Variants in CNTN5 observed in about 807,000 individuals in gnomAD.
CNTN5 encodes contactin 5.
Under a neutral mutation model 129.1 loss-of-function variants are expected in CNTN5, and 77 were observed. The ratio of observed to expected loss-of-function variants is 0.60; its 90% CI spans 0.50 to 0.72. CNTN5 has a LOEUF of 0.72. CNTN5 is among the 30% of genes least tolerant of loss of function. CNTN5 has a pLI of 0.00. For synonymous variants in CNTN5, 509 were observed against 465.6 expected, an observed-to-expected ratio of 1.09 and a Z score of -1.20; for missense variants, 1,478 against 1,328.8, an observed-to-expected ratio of 1.11 and a Z score of -1.75.
At chr11:99,969,509 A>G (rs7951846) in intron 8 of CNTN5, among the ~76,000 whole-genome samples, 23,290 of 151,966 alleles carry the variant, frequency 0.15, 2,282 homozygotes, top group African/African-American at 0.28. Context: ...TGCTGCTGCT[A>G]TGCCTCTTCT....
At chr11:100,235,385 G>A (rs1949588599) in intron 16 of CNTN5, among the ~76,000 whole-genome samples, 1 of 152,176 alleles carries the variant, frequency 6.6e-6, no homozygotes, top group Admixed American at 6.5e-5. Flanking sequence ...AGGTTGGAAG[G>A]CTCTGCATAG....
At chr11:100,295,243 A>C (rs561402142) in intron 18 of CNTN5, among the ~76,000 whole-genome samples, 1 of 151,740 alleles carries the variant, frequency 6.6e-6, no homozygotes, top group African/African-American at 2.4e-5. Flanking sequence ...AAAATAAATT[A>C]GCAGCAGTAA....
intron 3 of CNTN5, among the ~76,000 whole-genome samples, chr11:99,726,583 AT>A (rs1234932905): frequency 3.3e-5 from 5 of 152,218 alleles, no homozygotes; most frequent in Non-Finnish European, 5.9e-5. Flanking sequence ...TATTCTAAGT[AT>A]TTTTATATAT....
chr11:99,045,656 C>G (rs1471555612), intron 1 of CNTN5, among the ~76,000 whole-genome samples: 1 of 152,114 alleles, frequency 6.6e-6, no homozygotes, highest in Non-Finnish European at 1.5e-5. Flanking sequence ...GGATTATTGC[C>G]AGATAGAAGT....
chr11:99,515,806 T>G (rs1024280044), intron 2 of CNTN5, among the ~76,000 whole-genome samples: 22 of 152,142 alleles, frequency 1.4e-4, no homozygotes, highest in Non-Finnish European at 2.9e-4. Flanking sequence ...ATCTTTAAGT[T>G]AGCTGATATA....
At chr11:99,609,352 T>C (rs1327635798) in intron 3 of CNTN5, among the ~76,000 whole-genome samples, 1 of 152,168 alleles carries the variant, frequency 6.6e-6, no homozygotes, top group Non-Finnish European at 1.5e-5. Flanking sequence ...TAAGCAATTA[T>C]TCTGAGCATC....
intron 1 of CNTN5, among the ~76,000 whole-genome samples, chr11:99,319,851 C>A (rs1212107753): frequency 6.6e-6 from 1 of 152,070 alleles, no homozygotes; most frequent in African/African-American, 2.4e-5. Flanking sequence ...GATGCTCATT[C>A]AAACAAGAGT....
chr11:100,145,462 A>T (rs538787647), intron 13 of CNTN5, among the ~76,000 whole-genome samples: 2 of 152,290 alleles, frequency 1.3e-5, no homozygotes, highest in Admixed American at 1.3e-4. Context: ...TTACGTAGGT[A>T]GGTGTTACAC....
chr11:99,736,032 CTTTT>C (rs1183989962), intron 3 of CNTN5, among the ~76,000 whole-genome samples: 1 of 151,726 alleles, frequency 6.6e-6, no homozygotes, highest in East Asian at 1.9e-4. Context: ...TTCTCTCTTT[CTTTT>C]TCTTTCTCTT....
intron 1 of CNTN5, among the ~76,000 whole-genome samples, chr11:99,289,100 A>G (rs1864061705): frequency 6.6e-6 from 1 of 151,902 alleles, no homozygotes; most frequent in East Asian, 1.9e-4. Flanking sequence ...TATAGATAAT[A>G]AACACTTAGA....
intron 3 of CNTN5, among the ~76,000 whole-genome samples, chr11:99,800,356 T>G (rs1221302707): frequency 3.9e-5 from 6 of 152,172 alleles, no homozygotes; most frequent in Admixed American, 3.3e-4. Context: ...AGACTTGCAT[T>G]ATGACCCAGC....
At chr11:99,432,571 G>A (rs909169224) in intron 2 of CNTN5, among the ~76,000 whole-genome samples, 3 of 150,874 alleles carry the variant, frequency 2.0e-5, no homozygotes, top group Non-Finnish European at 4.4e-5. Context: ...AACATGTCAG[G>A]AAGTGTTTAT....
At chr11:99,759,550 C>T (rs1444738091) in intron 3 of CNTN5, among the ~76,000 whole-genome samples, 4 of 151,880 alleles carry the variant, frequency 2.6e-5, no homozygotes, top group Non-Finnish European at 4.4e-5. Flanking sequence ...GTTTCAGCTA[C>T]TTGAGATATG....
chr11:99,906,606 C>A (rs1949513370), intron 6 of CNTN5, among the ~76,000 whole-genome samples: 1 of 151,976 alleles, frequency 6.6e-6, no homozygotes, highest in Non-Finnish European at 1.5e-5. Context: ...GCTGAAATTT[C>A]TTTTTTTGTT....
chr11:99,761,356 G>C (rs1822166), intron 3 of CNTN5, among the ~76,000 whole-genome samples: 71,798 of 151,722 alleles, frequency 0.47, 17,458 homozygotes, highest in Non-Finnish European at 0.54. Flanking sequence ...ATGCTGGTGC[G>C]CTGCACCCAC....
rs960717639 is a variant in CNTN5 at position 99,106,946 on chromosome 11, A to C, written c.-210+85676A>C. Among the ~76,000 whole-genome samples the C allele has an allele frequency of 5.9e-5, 9 of 152,234 alleles. 1 individual carries two copies. In the East Asian group the frequency reaches 1.7e-3, roughly 29 times the overall value. ...TTGTAACATTAACAGTACAAGACTAATCCTACGAGACCAAAAGTCACTGAG... is the reference window on the plus strand; with the variant it reads ...TTGTAACATTAACAGTACAAGACTACTCCTACGAGACCAAAAGTCACTGAG... On this transcript the variant is annotated intron_variant, in intron 1 of 24. Transcript: ENST00000524871.
intron 1 of CNTN5, among the ~76,000 whole-genome samples, chr11:99,309,285 T>C (rs1865004846): frequency 6.6e-6 from 1 of 151,854 alleles, no homozygotes; most frequent in African/African-American, 2.4e-5. Context: ...AAATTCTGAA[T>C]CATGGATCCT....
intron 2 of CNTN5, among the ~76,000 whole-genome samples, chr11:99,351,204 G>A (rs183681327): frequency 6.6e-6 from 1 of 152,172 alleles, no homozygotes; most frequent in African/African-American, 2.4e-5. Context: ...TGTTATACTA[G>A]TAATTATTGA....
intron 4 of CNTN5, among the ~76,000 whole-genome samples, chr11:99,827,972 T>C (rs1489149868): frequency 1.3e-5 from 2 of 152,110 alleles, no homozygotes; most frequent in Admixed American, 6.6e-5. Flanking sequence ...GTAGGAGATA[T>C]TGGCCATCTA....
Sources: gnomAD v4.1 joint callset for allele counts (sites outside exome capture counted in the v4.1 genomes callset) on GRCh38, gnomAD v4.1.1 for gene constraint, MANE v1.5 for transcripts, NCBI Gene and HGNC (gene_info 2026-07-23, HGNC 2026-07-21) for gene names.